Variants in ABCG2 observed in about 807,000 individuals in gnomAD.
ABCG2 encodes broad substrate specificity ATP-binding cassette transporter ABCG2.
In ABCG2, 80 loss-of-function variants were observed where a neutral mutation model predicts 73.5. The ratio of observed to expected loss-of-function variants is 1.09; its 90% CI spans 0.91 to 1.31. The LOEUF is 1.31. Ranked by LOEUF, ABCG2 falls within the 50% of genes most tolerant of loss-of-function variation. The pLI is 0.00. For synonymous variants in ABCG2, 269 were observed against 282.4 expected (o/e 0.95, Z 0.48); for missense variants, 796 against 786.2 (o/e 1.01, Z -0.15).
intron 6 of ABCG2, among the ~76,000 whole-genome samples, chr4:88,120,238 G>A (rs1025321397): frequency 2.0e-5 from 3 of 152,210 alleles, no homozygotes; most frequent in Admixed American, 6.5e-5. Context: ...TTTAGGGGTG[G>A]AGCCCTCATG....
At chr4:88,147,073 A>C (rs1726098132) in intron 1 of ABCG2, among the ~76,000 whole-genome samples, 2 of 134,780 alleles carry the variant, frequency 1.5e-5, no homozygotes, top group African/African-American at 2.8e-5. Flanking sequence ...AAGGAAAGGA[A>C]AAGAAAAGAA....
chr4:88,139,411 G>A (rs1184449963), intron 2 of ABCG2, among the ~76,000 whole-genome samples: 2 of 151,808 alleles, frequency 1.3e-5, no homozygotes, highest in Non-Finnish European at 1.5e-5. Context: ...ACACCACCAC[G>A]CCCAGCTAAT....
chr4:88,133,316 C>T (rs1725028966), intron 2 of ABCG2, among the ~76,000 whole-genome samples: 2 of 151,900 alleles, frequency 1.3e-5, no homozygotes, highest in South Asian at 4.2e-4. Flanking sequence ...AAGTAGAAAT[C>T]GAGGCTGGGA....
chr4:88,230,304 T>TAA (rs1560470323), intron 1 of ABCG2, among the ~76,000 whole-genome samples: 4 of 4,428 alleles, frequency 9.0e-4, no homozygotes, highest in Non-Finnish European at 1.9e-3. Flanking sequence ...TATATATATA[T>TAA]ATATTTTTTT....
intron 9 of ABCG2, among the ~76,000 whole-genome samples, chr4:88,112,881 A>G (rs1723234855): frequency 6.6e-6 from 1 of 152,168 alleles, no homozygotes; most frequent in African/African-American, 2.4e-5. Context: ...AGACTGAGGC[A>G]GGAGAATCGC....
intron 10 of ABCG2, among the ~76,000 whole-genome samples, chr4:88,102,095 A>T (rs1394164606): frequency 6.6e-6 from 1 of 152,166 alleles, no homozygotes; most frequent in Non-Finnish European, 1.5e-5. Flanking sequence ...ACCCCTTATT[A>T]TATGCATAAT....
At position 88,154,087 on chromosome 4, in the gene ABCG2, T is replaced by C. The variant is rs145778965; in HGVS notation, c.-20+4299A>G. The stretch of plus-strand genomic sequence containing the variant: ...ACCATTTGCTTTGTGTGGGAAGAGA[T>C]TGATAGGTGGAAGTTTCAGTGGGGG... On this transcript the variant is annotated intron_variant, in intron 1 of 15. Coordinates refer to ENST00000237612, the MANE Select transcript of ABCG2 (RefSeq NM_004827.3). 0.015 allele frequency among the ~76,000 whole-genome samples: 2,346 copies of C among 152,166 alleles called. 176 individuals carry two copies. In the East Asian group the frequency reaches 0.2, roughly 13 times the overall value.
chr4:88,136,331 A>G, intron 2 of ABCG2, among the ~76,000 whole-genome samples: 1 of 152,224 alleles, frequency 6.6e-6, no homozygotes, highest in South Asian at 2.1e-4. Flanking sequence ...AATAGCAATG[A>G]GCATTTTAAA....
intron 7 of ABCG2, 81 bp downstream of exon 7, chr4:88,118,028 C>G: frequency 1.4e-6 from 2 of 1,393,548 alleles, no homozygotes; most frequent in Non-Finnish European, 1.9e-6. Flanking sequence ...AAAGACCAAA[C>G]AGCACTCCTG....
At chr4:88,221,754 T>A (rs1189285754) in intron 1 of ABCG2, among the ~76,000 whole-genome samples, 1 of 152,084 alleles carries the variant, frequency 6.6e-6, no homozygotes, top group Non-Finnish European at 1.5e-5. Flanking sequence ...ATTTAGGGTA[T>A]CTGGTGGAAG....
chr4:88,161,156 ATT>A (rs766437759), upstream of ABCG2, among the ~76,000 whole-genome samples: 2 of 130,076 alleles, frequency 1.5e-5, no homozygotes, highest in African/African-American at 2.6e-5. Context: ...TCTACAAACA[ATT>A]TTTTTTTTTA....
chr4:88,219,238 A>G (rs1239138320), intron 1 of ABCG2, among the ~76,000 whole-genome samples: 1 of 152,222 alleles, frequency 6.6e-6, no homozygotes, highest in Admixed American at 6.5e-5. Context: ...CTTTTTTCTC[A>G]GTACACTGTT....
intron 5 of ABCG2, among the ~76,000 whole-genome samples, chr4:88,122,369 C>T (rs1263151713): frequency 2.0e-5 from 3 of 152,148 alleles, no homozygotes; most frequent in African/African-American, 7.2e-5. Context: ...GTGGTCTAGC[C>T]TAGCTCAGCG....
chr4:88,200,679 A>AT (rs1315770515), intron 1 of ABCG2, among the ~76,000 whole-genome samples: 1 of 151,902 alleles, frequency 6.6e-6, no homozygotes, highest in South Asian at 2.1e-4. Flanking sequence ...CGCCTGGCTA[A>AT]TTTTTTGTGT....
Position 88,230,321 on chromosome 4 carries a change from CCA to C in ABCG2, c.-20+671_-20+672del, listed in dbSNP as rs1380068552. ...TATATATATATATTTTTTTTTTTGG[CCA>C]CATATATATATATATATATATATTT... On this transcript the variant is annotated intron_variant, in intron 1 of 15. Transcript: ENST00000515655. Among the ~76,000 whole-genome samples the C allele has an allele frequency of 7.3e-4, 9 of 12,264 alleles. 1 individual carries two copies. Among genetic ancestry groups the C allele is most frequent in the African/African-American group, 4.4e-3 (9 of 2,062 alleles). The allele number at this position is 12,264 out of a possible 152,430, so 8.0% of individuals were successfully genotyped here.
chr4:88,221,266 C>T (rs1730002757), intron 1 of ABCG2, among the ~76,000 whole-genome samples: 1 of 151,778 alleles, frequency 6.6e-6, no homozygotes, highest in African/African-American at 2.4e-5. Flanking sequence ...AACTGTGTCT[C>T]AAAATAAATA....
At chr4:88,198,366 C>T (rs1008761146) in intron 1 of ABCG2, among the ~76,000 whole-genome samples, 4 of 151,896 alleles carry the variant, frequency 2.6e-5, no homozygotes, top group Non-Finnish European at 4.4e-5. Flanking sequence ...GGCATGATGG[C>T]TCACACCTAT....
intron 12 of ABCG2, among the ~76,000 whole-genome samples, chr4:88,098,851 C>T (rs1316869044): frequency 6.6e-6 from 1 of 152,096 alleles, no homozygotes; most frequent in Admixed American, 6.6e-5. Flanking sequence ...CCGCTCATTC[C>T]TATAATCCCA....
At chr4:88,172,019 G>C (rs1727776350) in intron 1 of ABCG2, among the ~76,000 whole-genome samples, 1 of 151,982 alleles carries the variant, frequency 6.6e-6, no homozygotes, top group Non-Finnish European at 1.5e-5. Flanking sequence ...AATAAGGCTG[G>C]GTGCGTTGGC....
Sources: allele counts gnomAD v4.1 joint callset (sites outside exome capture counted in the v4.1 genomes callset), GRCh38; gene constraint gnomAD v4.1.1; transcripts MANE v1.5; gene names NCBI Gene and HGNC (gene_info 2026-07-23, HGNC 2026-07-21).